SPPL3: variants seen among roughly 807,000 people sequenced by gnomAD.
SPPL3 encodes signal peptide peptidase like 3, also known as signal peptide peptidase-like 3.
SPPL3 carries 5 observed loss-of-function variants against 42.4 expected under a neutral mutation model. The observed-to-expected ratio is 0.12, with a 90% CI of 0.06 to 0.25. The LOEUF is 0.25. Ranked by LOEUF, SPPL3 falls within the 10% of genes least tolerant of loss-of-function variation. SPPL3 has a pLI of 1.00. For missense variants in SPPL3, 235 were observed against 489.0 expected (o/e 0.48, Z 4.90); for synonymous variants, 195 against 181.8 (o/e 1.07, Z -0.58).
chr12:120,856,319 C>A (rs943158502), intron 1 of SPPL3, among the ~76,000 whole-genome samples: 6 of 151,040 alleles, frequency 4.0e-5, no homozygotes, highest in African/African-American at 1.5e-4. Flanking sequence ...AGAGAAGGTT[C>A]TTTTTTTGTG....
At chr12:120,854,029 GA>G (rs1158227221) in intron 1 of SPPL3, among the ~76,000 whole-genome samples, 6 of 110,588 alleles carry the variant, frequency 5.4e-5, no homozygotes, top group Non-Finnish European at 9.8e-5. Context: ...CACACACGGG[GA>G]AAAAAAAGGC....
intron 2 of SPPL3, chr12:120,791,978 T>C (rs557289495): frequency 5.8e-6 from 1 of 171,516 alleles, no homozygotes; most frequent in East Asian, 1.8e-4. Context: ...CTGTCAGCTG[T>C]GATTCAACAA....
At chr12:120,894,998 A>AT (rs1345548667) in intron 1 of SPPL3, among the ~76,000 whole-genome samples, 1 of 152,162 alleles carries the variant, frequency 6.6e-6, no homozygotes, top group African/African-American at 2.4e-5. Context: ...CTCCTCAGGC[A>AT]TTTTTAGAAG....
intron 1 of SPPL3, among the ~76,000 whole-genome samples, chr12:120,850,506 AAAAAAAAC>A (rs1566060132): frequency 6.6e-6 from 1 of 151,242 alleles, no homozygotes; most frequent in African/African-American, 2.4e-5. Context: ...AAAAAAAAAA[AAAAAAAAC>A]AAAAGCCAAA....
chr12:120,846,155 T>G (rs1417222859), intron 1 of SPPL3, among the ~76,000 whole-genome samples: 1 of 152,138 alleles, frequency 6.6e-6, no homozygotes, highest in East Asian at 1.9e-4. Flanking sequence ...TAGGGTTAGC[T>G]CTGTGAGAGC....
chr12:120,868,264 A>T (rs901766100), intron 1 of SPPL3, among the ~76,000 whole-genome samples: 1 of 144,760 alleles, frequency 6.9e-6, no homozygotes, highest in African/African-American at 2.6e-5. Context: ...ACTGCAAAAT[A>T]AAAAAAAAAA....
rs752620527 is a variant in SPPL3, at chr12:120,768,533, A to T, written c.610-45T>A. 5.0e-5 allele frequency: 79 copies of T among 1,570,828 alleles called. 2 individuals are homozygous for T. In the South Asian group the frequency reaches 5.8e-4, roughly 12 times the overall value. ...CCTTTAACAGAGGGAGTTGGAAGCAACCTGCTTTCAGCATCAGCCCTCCTT... is the reference window on the plus strand; with the variant it reads ...CCTTTAACAGAGGGAGTTGGAAGCATCCTGCTTTCAGCATCAGCCCTCCTT... On this transcript the variant is annotated intron_variant, in intron 7 of 10. Coordinates refer to ENST00000353487, the MANE Select transcript of SPPL3 (RefSeq NM_139015.5).
At chr12:120,791,710 C>A (rs1592964332) in intron 2 of SPPL3, 153 bp from the exon 3 acceptor site, 2 of 592,304 alleles carry the variant, frequency 3.4e-6, no homozygotes, top group East Asian at 6.2e-5. Context: ...TTTTAAAAAA[C>A]AATCTTCAGT....
At chr12:120,816,180 T>C (rs1025974496) in intron 1 of SPPL3, among the ~76,000 whole-genome samples, 8 of 152,306 alleles carry the variant, frequency 5.3e-5, no homozygotes, top group Non-Finnish European at 7.4e-5. Context: ...GTGACTAAGG[T>C]TGCCAGATCT....
rs549794513 is a variant in SPPL3, at chr12:120,896,990, A to T, written c.23+6855T>A. On this transcript the variant is annotated intron_variant, in intron 1 of 10. Coordinates refer to ENST00000353487, the MANE Select transcript of SPPL3 (RefSeq NM_139015.5). ...GATGCCAAAAACAGCCAACTAAATAAAACAGCACTTGGTTATCAACACTCT... is the reference window on the plus strand; with the variant it reads ...GATGCCAAAAACAGCCAACTAAATATAACAGCACTTGGTTATCAACACTCT... Among the ~76,000 whole-genome samples the T allele has an allele frequency of 6.2e-4, 95 of 152,318 alleles. 1 individual carries two copies. Among genetic ancestry groups the T allele is most frequent in the African/African-American group, 1.9e-3 (81 of 41,578 alleles).
chr12:120,852,759 T>TA (rs1491405727), intron 1 of SPPL3, among the ~76,000 whole-genome samples: 29,026 of 47,314 alleles, frequency 0.61, 9,357 homozygotes, highest in Admixed American at 0.73. Context: ...ATATATTATA[T>TA]CTATGTATAT....
chr12:120,831,364 C>A (rs1053403705), intron 1 of SPPL3, among the ~76,000 whole-genome samples: 6 of 152,180 alleles, frequency 3.9e-5, no homozygotes, highest in Non-Finnish European at 8.8e-5. Context: ...AACCCTAATA[C>A]AATGGGTCCT....
intron 1 of SPPL3, chr12:120,811,132 T>C (rs2137001746): frequency 2.9e-6 from 1 of 341,336 alleles, no homozygotes; most frequent in East Asian, 5.7e-5. Flanking sequence ...GACATCAATG[T>C]AAAAATCCCA....
At chr12:120,779,027 A>G (rs370253987) in intron 6 of SPPL3, among the ~76,000 whole-genome samples, 8 of 152,356 alleles carry the variant, frequency 5.3e-5, no homozygotes, top group East Asian at 3.9e-4. Context: ...TTGAGGTCAC[A>G]GTGAGTTAGG....
At chr12:120,812,139 AT>A (rs1310248204) in intron 1 of SPPL3, among the ~76,000 whole-genome samples, 142 of 143,588 alleles carry the variant, frequency 9.9e-4, no homozygotes, top group Non-Finnish European at 9.2e-4. Flanking sequence ...GGAGGAACAG[AT>A]TTTTTTTTTT....
At chr12:120,802,334 T>C (rs1870327208) in intron 2 of SPPL3, among the ~76,000 whole-genome samples, 1 of 148,128 alleles carries the variant, frequency 6.8e-6, no homozygotes, top group South Asian at 2.1e-4. Context: ...GCTGCTTTTA[T>C]ATATGTATGT....
At chr12:120,867,290 T>C (rs903440653) in intron 1 of SPPL3, among the ~76,000 whole-genome samples, 1 of 152,194 alleles carries the variant, frequency 6.6e-6, no homozygotes, top group South Asian at 2.1e-4. Context: ...TGGCAAAGTT[T>C]ATATATATGC....
chr12:120,864,625 A>G (rs1179707879), intron 1 of SPPL3, among the ~76,000 whole-genome samples: 1 of 152,230 alleles, frequency 6.6e-6, no homozygotes, highest in East Asian at 1.9e-4. Flanking sequence ...CATTTTTTAC[A>G]AAATCTGCCA....
At chr12:120,801,153 T>C (rs1403256643) in intron 2 of SPPL3, among the ~76,000 whole-genome samples, 1 of 152,026 alleles carries the variant, frequency 6.6e-6, no homozygotes, top group African/African-American at 2.4e-5. Flanking sequence ...AGGCCCTACC[T>C]TGTCCAGACA....
Sources: allele counts gnomAD v4.1 joint callset (sites outside exome capture counted in the v4.1 genomes callset), GRCh38; gene constraint gnomAD v4.1.1; transcripts MANE v1.5; gene names NCBI Gene and HGNC (gene_info 2026-07-23, HGNC 2026-07-21).